Variants in ETV6 observed in about 807,000 individuals in gnomAD.
The protein encoded by ETV6 is ETS variant transcription factor 6.
A neutral mutation model predicts 51.1 loss-of-function variants in ETV6; 16 were observed. The observed-to-expected ratio is 0.31, with a 90% confidence interval of 0.21 to 0.48. The LOEUF (loss-of-function observed/expected upper bound fraction) is 0.48, where lower values mean the gene tolerates loss of function less well. ETV6 is among the 20% of genes least tolerant of loss of function. The pLI is 0.99. For missense variants in ETV6, 458 were observed against 594.8 expected (o/e 0.77, Z 2.39); for synonymous variants, 240 against 224.1 (o/e 1.07, Z -0.64).
At chr12:11,655,285 G>T (rs963559542) in intron 1 of ETV6, among the ~76,000 whole-genome samples, 1 of 152,052 alleles carries the variant, frequency 6.6e-6, no homozygotes, top group African/African-American at 2.4e-5. Context: ...TCAGGTAAGG[G>T]TCCACCACTT....
In ETV6 at chr12:11,705,784, C is replaced by T. The variant is rs570170272; in HGVS notation, c.34-46666C>T. On this transcript the variant is annotated intron_variant, in intron 1 of 7. Coordinates refer to ENST00000396373, the MANE Select transcript of ETV6 (RefSeq NM_001987.5). ...AGAAGGCAATTGAGACAACCCTAAG[C>T]CCCTGTCTGCCCACTCAAACCCTCT... Among the ~76,000 whole-genome samples, 6 of 152,330 alleles carry T rather than the reference C, an allele frequency of 3.9e-5. No homozygotes were observed. In the South Asian group the frequency reaches 1.2e-3, roughly 32 times the overall value.
intron 1 of ETV6, among the ~76,000 whole-genome samples, chr12:11,659,068 A>G (rs1864052083): frequency 6.6e-6 from 1 of 152,198 alleles, no homozygotes; most frequent in South Asian, 2.1e-4. Context: ...CACAGAACAG[A>G]CACTGTTTGC....
intron 1 of ETV6, among the ~76,000 whole-genome samples, chr12:11,669,331 C>T (rs1324619480): frequency 2.7e-5 from 4 of 150,426 alleles, no homozygotes; most frequent in Admixed American, 2.0e-4. Flanking sequence ...TCCTCCCTCC[C>T]TCCCTCCTTT....
At chr12:11,725,429 T>G (rs1326734323) in intron 1 of ETV6, among the ~76,000 whole-genome samples, 1 of 152,226 alleles carries the variant, frequency 6.6e-6, no homozygotes, top group Non-Finnish European at 1.5e-5. Context: ...ACCTGCTGTT[T>G]CAACAAAGTT....
intron 1 of ETV6, among the ~76,000 whole-genome samples, chr12:11,703,638 G>T (rs1047311637): frequency 6.6e-6 from 1 of 152,170 alleles, no homozygotes; most frequent in African/African-American, 2.4e-5. Context: ...CTAAGTGAAA[G>T]CAAATGCATG....
intron 3 of ETV6, among the ~76,000 whole-genome samples, chr12:11,852,625 A>T (rs1038137087): frequency 6.6e-6 from 1 of 152,240 alleles, no homozygotes. Flanking sequence ...GCAAGCTAAG[A>T]TAGATGTAAA....
chr12:11,745,314 C>A (rs1241011778), intron 1 of ETV6, among the ~76,000 whole-genome samples: 4 of 152,228 alleles, frequency 2.6e-5, no homozygotes. Context: ...AACTGTTCAG[C>A]CTCAGCATTA....
intron 2 of ETV6, among the ~76,000 whole-genome samples, chr12:11,778,979 C>G (rs866410348): frequency 2.0e-4 from 31 of 152,204 alleles, no homozygotes; most frequent in South Asian, 1.4e-3. Context: ...CGCAAACAAC[C>G]AAAACCAGAT....
intron 2 of ETV6, among the ~76,000 whole-genome samples, chr12:11,753,854 T>C (rs1944958878): frequency 6.6e-6 from 1 of 152,248 alleles, no homozygotes; most frequent in South Asian, 2.1e-4. Flanking sequence ...ACGAAGTTGC[T>C]GCCTACTATG....
At chr12:11,716,456 G>A (rs1865283014) in intron 1 of ETV6, 1 of 151,914 alleles carries the variant, frequency 6.6e-6, no homozygotes, top group Non-Finnish European at 1.5e-5. Flanking sequence ...AACCGCTGGG[G>A]TCCATCATCC....
chr12:11,862,824 G>A (rs1473454261), intron 4 of ETV6, among the ~76,000 whole-genome samples: 1 of 152,164 alleles, frequency 6.6e-6, no homozygotes, highest in Non-Finnish European at 1.5e-5. Context: ...CCCATAATGG[G>A]CATAAGAGAC....
intron 2 of ETV6, among the ~76,000 whole-genome samples, chr12:11,793,076 TA>T (rs58930049): frequency 0.011 from 1,611 of 144,098 alleles, 28 homozygotes; most frequent in African/African-American, 0.035. Context: ...TTCTTTAATT[TA>T]AAAAAAAAAA....
intron 1 of ETV6, among the ~76,000 whole-genome samples, chr12:11,739,712 A>G (rs576562575): frequency 1.4e-5 from 1 of 71,180 alleles, no homozygotes; most frequent in Non-Finnish European, 3.9e-5. Flanking sequence ...CATTGAAAGA[A>G]TATTTTGGCC....
intron 2 of ETV6, among the ~76,000 whole-genome samples, chr12:11,777,590 C>T (rs1486261564): frequency 1.3e-5 from 2 of 152,020 alleles, no homozygotes; most frequent in East Asian, 3.9e-4. Flanking sequence ...CCATTGTCCC[C>T]TCCCCACCTG....
At chr12:11,661,642 T>C (rs1175199699) in intron 1 of ETV6, among the ~76,000 whole-genome samples, 1 of 152,246 alleles carries the variant, frequency 6.6e-6, no homozygotes, top group Non-Finnish European at 1.5e-5. Context: ...AACAGCCAGC[T>C]CCTTTGATTT....
intron 1 of ETV6, among the ~76,000 whole-genome samples, chr12:11,677,282 C>T (rs1363488234): frequency 2.0e-5 from 3 of 152,222 alleles, no homozygotes. Context: ...CTCCCTCCTC[C>T]TGCCTCTCTC....
intron 5 of ETV6, among the ~76,000 whole-genome samples, chr12:11,880,763 G>A (rs911998178): frequency 2.6e-5 from 4 of 152,080 alleles, no homozygotes; most frequent in South Asian, 2.1e-4. Flanking sequence ...CAACCAGGTC[G>A]TTTCTTAATT....
intron 2 of ETV6, among the ~76,000 whole-genome samples, chr12:11,838,463 C>CA (rs1946346016): frequency 6.6e-6 from 1 of 152,190 alleles, no homozygotes; most frequent in African/African-American, 2.4e-5. Context: ...GTTCAAGTAC[C>CA]ACCCCACCAG....
intron 2 of ETV6, among the ~76,000 whole-genome samples, chr12:11,777,400 C>T (rs1945345501): frequency 6.6e-6 from 1 of 151,712 alleles, no homozygotes; most frequent in African/African-American, 2.4e-5. Flanking sequence ...GTGGTTATCT[C>T]TAGGTAGAAG....
Sources: allele counts gnomAD v4.1 joint callset (sites outside exome capture counted in the v4.1 genomes callset), GRCh38; gene constraint gnomAD v4.1.1; transcripts MANE v1.5; gene names NCBI Gene and HGNC (gene_info 2026-07-23, HGNC 2026-07-21).